DPYD: variants seen among roughly 807,000 people sequenced by gnomAD.
The protein encoded by DPYD is dihydropyrimidine dehydrogenase [NADP(+)].
In DPYD, 109 loss-of-function variants were observed where a neutral mutation model predicts 116.2. The ratio of observed to expected loss-of-function variants is 0.94; its 90% CI spans 0.80 to 1.10. The LOEUF is 1.10. DPYD is among the 50% of genes least tolerant of loss of function. The pLI is 0.00. For missense variants in DPYD, 1,302 were observed against 1,254.5 expected (o/e 1.04, Z -0.57); for synonymous variants, 440 against 432.0 (o/e 1.02, Z -0.23).
At chr1:97,150,571 TC>T (rs1654940733) in intron 20 of DPYD, among the ~76,000 whole-genome samples, 1 of 152,224 alleles carries the variant, frequency 6.6e-6, no homozygotes, top group African/African-American at 2.4e-5. Context: ...CTGGGCTCTC[TC>T]TGGGTTCTCC....
At chr1:97,725,876 T>C (rs939269995) in intron 4 of DPYD, among the ~76,000 whole-genome samples, 2 of 151,490 alleles carry the variant, frequency 1.3e-5, no homozygotes, top group Admixed American at 1.3e-4. Context: ...TTAGCGGTGA[T>C]AAAATTGTTC....
At chr1:97,153,841 C>A (rs977238553) in intron 20 of DPYD, among the ~76,000 whole-genome samples, 1 of 151,844 alleles carries the variant, frequency 6.6e-6, no homozygotes, top group African/African-American at 2.4e-5. Context: ...GGGCTAAGGA[C>A]ATGAAAAGAC....
intron 3 of DPYD, among the ~76,000 whole-genome samples, chr1:97,805,686 A>C (rs1198094440): frequency 1.3e-5 from 2 of 151,772 alleles, no homozygotes; most frequent in Admixed American, 1.3e-4. Context: ...GATCTGAGAA[A>C]GCAAGGAGAA....
intron 19 of DPYD, among the ~76,000 whole-genome samples, chr1:97,194,695 G>A (rs1658625945): frequency 6.6e-6 from 1 of 151,834 alleles, no homozygotes; most frequent in Admixed American, 6.6e-5. Flanking sequence ...AGTAGGAACG[G>A]GGTTTCACCA....
rs190187229 is a variant in DPYD, at chr1:97,576,821, T to G, written c.1129-2851A>C. 2.1e-4 allele frequency among the ~76,000 whole-genome samples: 32 copies of G among 152,300 alleles called. No homozygotes were observed. The East Asian group carries it at 5.4e-3, about 26-fold the overall frequency. On this transcript the variant is annotated intron_variant, in intron 10 of 22. Transcript: ENST00000370192. Reference sequence around the variant, plus strand: ...TGGACCCCACAGAGATTCATCTGCATTTTTGCTTTTGAAACTTTGGAGATT... The same window carrying G: ...TGGACCCCACAGAGATTCATCTGCAGTTTTGCTTTTGAAACTTTGGAGATT...
intron 20 of DPYD, among the ~76,000 whole-genome samples, chr1:97,139,185 C>G (rs562668320): frequency 6.6e-6 from 1 of 152,188 alleles, no homozygotes; most frequent in South Asian, 2.1e-4. Context: ...CTATTCTGAT[C>G]GATGCCAGAT....
At chr1:97,232,320 C>T (rs373504528) in intron 19 of DPYD, among the ~76,000 whole-genome samples, 69 of 152,164 alleles carry the variant, frequency 4.5e-4, no homozygotes, top group East Asian at 1.2e-3. Context: ...TTGCTGTTAT[C>T]GAGGTTTTAT....
chr1:97,555,621 G>A (rs1231063158), intron 11 of DPYD, among the ~76,000 whole-genome samples: 1 of 152,052 alleles, frequency 6.6e-6, no homozygotes, highest in Non-Finnish European at 1.5e-5. Context: ...GTCAGGAGAA[G>A]GCCTTGTCCC....
At chr1:97,880,667 C>A (rs1672165680) in intron 2 of DPYD, among the ~76,000 whole-genome samples, 1 of 151,822 alleles carries the variant, frequency 6.6e-6, no homozygotes, top group Non-Finnish European at 1.5e-5. Flanking sequence ...TACTAATACT[C>A]ATTACAGAAG....
intron 2 of DPYD, among the ~76,000 whole-genome samples, chr1:97,872,699 T>A (rs923565032): frequency 6.6e-6 from 1 of 151,974 alleles, no homozygotes; most frequent in Non-Finnish European, 1.5e-5. Flanking sequence ...AAACAAAGAA[T>A]GTGCCTTTTT....
At chr1:97,686,553 C>T (rs1369322728) in intron 7 of DPYD, among the ~76,000 whole-genome samples, 1 of 135,296 alleles carries the variant, frequency 7.4e-6, no homozygotes, top group Non-Finnish European at 1.5e-5. Flanking sequence ...AGGAGAATGG[C>T]GTGAACCTGG....
chr1:97,759,329 G>T (rs1665446256), intron 3 of DPYD, among the ~76,000 whole-genome samples: 1 of 152,018 alleles, frequency 6.6e-6, no homozygotes, highest in Admixed American at 6.6e-5. Context: ...CATGTTTCTG[G>T]TTAATGCTTC....
At chr1:97,173,466 C>A in intron 20 of DPYD, among the ~76,000 whole-genome samples, 1 of 128,922 alleles carries the variant, frequency 7.8e-6, no homozygotes. Flanking sequence ...TATATATATA[C>A]ACACATAATG....
At chr1:97,323,613 C>CGT (rs1324817788) in intron 16 of DPYD, among the ~76,000 whole-genome samples, 3 of 66,274 alleles carry the variant, frequency 4.5e-5, no homozygotes, top group Admixed American at 1.5e-4. Context: ...TATATATACA[C>CGT]GTATATATAC....
intron 3 of DPYD, among the ~76,000 whole-genome samples, chr1:97,781,119 A>G (rs969746897): frequency 1.3e-5 from 2 of 152,222 alleles, no homozygotes; most frequent in Non-Finnish European, 2.9e-5. Flanking sequence ...AGTCTTAGCT[A>G]CACTGCTATG....
chr1:97,156,969 G>A (rs552770417), intron 20 of DPYD, among the ~76,000 whole-genome samples: 17 of 151,492 alleles, frequency 1.1e-4, no homozygotes, highest in Non-Finnish European at 1.6e-4. Context: ...CCTTTGTAGG[G>A]ACATGGATGA....
At chr1:97,732,517 T>C (rs142641630) in intron 4 of DPYD, among the ~76,000 whole-genome samples, 2 of 150,928 alleles carry the variant, frequency 1.3e-5, no homozygotes, top group African/African-American at 4.9e-5. Flanking sequence ...TGTGAAGTTA[T>C]ATATATATCA....
At chr1:97,497,818 C>T (rs1215080386) in intron 13 of DPYD, among the ~76,000 whole-genome samples, 1 of 151,692 alleles carries the variant, frequency 6.6e-6, no homozygotes, top group African/African-American at 2.4e-5. Context: ...CCCAGAAACT[C>T]CACTCCTAAC....
At chr1:97,644,762 T>A (rs1234729551) in intron 8 of DPYD, among the ~76,000 whole-genome samples, 2 of 151,940 alleles carry the variant, frequency 1.3e-5, no homozygotes, top group Non-Finnish European at 2.9e-5. Flanking sequence ...CTGGCCAATT[T>A]TACATGTTTT....
Sources: gnomAD v4.1 joint callset for allele counts (sites outside exome capture counted in the v4.1 genomes callset) on GRCh38, gnomAD v4.1.1 for gene constraint, MANE v1.5 for transcripts, NCBI Gene and HGNC (gene_info 2026-07-23, HGNC 2026-07-21) for gene names.